Variants in SLC31A1 observed in about 807,000 individuals in gnomAD.
SLC31A1 encodes the protein solute carrier family 31 member 1.
Under a neutral mutation model 17.2 loss-of-function variants are expected in SLC31A1, and 5 were observed. The ratio of observed to expected loss-of-function variants is 0.29; its 90% CI spans 0.15 to 0.61. The LOEUF is 0.61. Among genes scored for constraint, SLC31A1 ranks in the 20% least tolerant of loss-of-function variants. SLC31A1 has a pLI of 0.86. For synonymous variants in SLC31A1, 76 were observed against 78.8 expected (o/e 0.96, Z 0.19); for missense variants, 161 against 241.4 (o/e 0.67, Z 2.21).
chr9:113,235,635 T>TC (rs1399288962), intron 1 of SLC31A1, among the ~76,000 whole-genome samples: 2 of 151,476 alleles, frequency 1.3e-5, no homozygotes, highest in African/African-American at 2.4e-5. Context: ...GGAGAGAAGA[T>TC]CCCCCCGGAG....
intron 2 of SLC31A1, 48 bp downstream of exon 2, chr9:113,256,325 GT>G (rs779378070): frequency 6.2e-7 from 1 of 1,604,938 alleles, no homozygotes; most frequent in Non-Finnish European, 8.5e-7. Context: ...ACCCACTTGG[GT>G]AATAGAAATA....
chr9:113,227,940 G>T (rs1831359911), intron 1 of SLC31A1, among the ~76,000 whole-genome samples: 1 of 152,210 alleles, frequency 6.6e-6, no homozygotes, highest in African/African-American at 2.4e-5. Context: ...GTGTGACTTA[G>T]TTCCTTTCAG....
chr9:113,254,474 A>G (rs1359745499), intron 1 of SLC31A1, among the ~76,000 whole-genome samples: 2 of 152,184 alleles, frequency 1.3e-5, no homozygotes, highest in African/African-American at 4.8e-5. Flanking sequence ...ATGAATACCT[A>G]CTTGGAATTT....
intron 1 of SLC31A1, among the ~76,000 whole-genome samples, chr9:113,254,495 T>A (rs1202535236): frequency 6.6e-6 from 1 of 152,122 alleles, no homozygotes; most frequent in African/African-American, 2.4e-5. Flanking sequence ...TTAAAACCAC[T>A]TTTTCTTCCA....
intron 1 of SLC31A1, among the ~76,000 whole-genome samples, chr9:113,245,785 C>G (rs1421390835): frequency 6.6e-6 from 1 of 151,934 alleles, no homozygotes; most frequent in Non-Finnish European, 1.5e-5. Flanking sequence ...GCACACATCA[C>G]CACACCTGGC....
intron 1 of SLC31A1, among the ~76,000 whole-genome samples, chr9:113,235,153 C>A (rs1010161304): frequency 7.4e-6 from 1 of 134,696 alleles, no homozygotes; most frequent in African/African-American, 2.8e-5. Context: ...AAAAAGACCT[C>A]ACAGAAAAAT....
intron 4 of SLC31A1, among the ~76,000 whole-genome samples, chr9:113,260,053 A>C (rs1278532950): frequency 6.6e-6 from 1 of 152,098 alleles, no homozygotes; most frequent in Non-Finnish European, 1.5e-5. Context: ...GGTTCCTTCT[A>C]CTGGAGGAAC....
rs1256714411 is a variant in SLC31A1 at position 113,264,335 on chromosome 9, A to C, written c.*3862A>C. ...GTCTCAAAAAAAAAAAAAAGATACA[A>C]AGTCTGCATTTGATATAATGCCTTA... is the stretch of plus-strand genomic sequence containing the variant. On this transcript the variant is annotated 3_prime_UTR_variant, in exon 5 of 5. Transcript: ENST00000374212. 3.3e-5 allele frequency: 5 copies of C among 152,608 alleles called. No individual in the cohort carries two copies. The highest frequency in any genetic ancestry group is 1.2e-4 in the African/African-American group (5 of 41,386). The allele number at this position is 152,608 out of a possible 1,614,324, so 9.5% of individuals were successfully genotyped here. A position where few individuals can be genotyped will look rare whatever the true frequency, so the allele number is the denominator to read the frequency against.
intron 1 of SLC31A1, among the ~76,000 whole-genome samples, chr9:113,238,922 C>G (rs1252712896): frequency 6.6e-6 from 1 of 152,194 alleles, no homozygotes; most frequent in Non-Finnish European, 1.5e-5. Flanking sequence ...TGCTGTGTGT[C>G]TCACAGTCTG....
At position 113,263,913 on chromosome 9, in the gene SLC31A1, T is replaced by A. The variant is rs1337540886; in HGVS notation, c.*3440T>A. ...CCCTTTCAGGCTGTGGGTACTGGTCTTGGGTTCTAGTCATAAGGGGTTCCT... is the reference window on the plus strand; with the variant it reads ...CCCTTTCAGGCTGTGGGTACTGGTCATGGGTTCTAGTCATAAGGGGTTCCT... On this transcript the variant is annotated 3_prime_UTR_variant, in exon 5 of 5. Transcript: ENST00000374212. The A allele has an allele frequency of 1.3e-5, 2 of 152,242 alleles. No homozygotes were observed. Among genetic ancestry groups the A allele is most frequent in the Non-Finnish European group, 2.9e-5 (2 of 68,050 alleles). The allele number at this position is 152,242 out of a possible 1,614,324, so 9.4% of individuals were successfully genotyped here.
At chr9:113,230,217 T>A (rs10817464) in intron 1 of SLC31A1, among the ~76,000 whole-genome samples, 6 of 152,188 alleles carry the variant, frequency 3.9e-5, no homozygotes, top group Non-Finnish European at 5.9e-5. Flanking sequence ...CTTTTGGGGA[T>A]TTGTTTGTTT....
Position 113,236,457 on chromosome 9 carries a change from G to A in SLC31A1, c.-36+14779G>A, listed in dbSNP as rs201476159. ...CGGCTCACTGCAAGCTCCACCTCCC[G>A]GGTTCACGCCATTCTCCTGCCTCAA... On this transcript the variant is annotated intron_variant, in intron 1 of 4. Transcript: ENST00000374212. Among the ~76,000 whole-genome samples, 14 of 152,038 alleles carry A rather than the reference G, an allele frequency of 9.2e-5. No individual in the cohort carries two copies. In the East Asian group the frequency reaches 1.7e-3, roughly 19 times the overall value.
Position 113,260,264 on chromosome 9 carries a change from C to T in SLC31A1, c.372-8C>T, listed in dbSNP as rs772144312. 4 of 1,613,554 alleles carry T rather than the reference C, an allele frequency of 2.5e-6. No individual in the cohort carries two copies. The Admixed American group carries it at 6.7e-5, about 27-fold the overall frequency. On this transcript the variant is annotated splice_region_variant and splice_polypyrimidine_tract_variant and intron_variant, in intron 4 of 4. Transcript: ENST00000374212. ...TCCCTGATTGTTGTGTCCCTGTTTA[C>T]TCTCCAGGCAACAGATGCTGAGCTT...
chr9:113,231,069 T>C (rs936701396), intron 1 of SLC31A1, among the ~76,000 whole-genome samples: 2 of 152,066 alleles, frequency 1.3e-5, no homozygotes, highest in African/African-American at 4.8e-5. Context: ...TTTGCTCCCC[T>C]CTCAAGTGCC....
At chr9:113,247,612 T>G (rs906339552) in intron 1 of SLC31A1, among the ~76,000 whole-genome samples, 7 of 152,208 alleles carry the variant, frequency 4.6e-5, no homozygotes, top group African/African-American at 1.7e-4. Flanking sequence ...GTGTCTGTCT[T>G]GCAGGTGATG....
rs1831806153 is a variant in SLC31A1 at position 113,262,618 on chromosome 9, C to G, written c.*2145C>G. 2 of 152,510 alleles carry G rather than the reference C, an allele frequency of 1.3e-5. No individual in the cohort carries two copies. Among genetic ancestry groups the G allele is most frequent in the African/African-American group, 2.4e-5 (1 of 41,428 alleles). The allele number at this position is 152,510 out of a possible 1,614,324, so 9.4% of individuals were successfully genotyped here. On this transcript the variant is annotated 3_prime_UTR_variant, in exon 5 of 5. Coordinates refer to ENST00000374212, the MANE Select transcript of SLC31A1 (RefSeq NM_001859.4). ...CTGGATTGAGGTTAAAATCCAAGAA[C>G]CAACATTTAGAGCTTTGTGCTTTTC...
rs772117339 is a variant in SLC31A1 at position 113,260,437 on chromosome 9, G to A, written c.537G>A (p.Lys179=). The A allele has an allele frequency of 1.9e-6, 3 of 1,613,984 alleles. No homozygotes were observed. In the African/African-American group the frequency reaches 4.0e-5, roughly 22 times the overall value. The change falls in exon 5 of 5, where the codon AAG becomes AAA. Residue 179 remains lysine, a synonymous_variant. Coordinates refer to ENST00000374212, the MANE Select transcript of SLC31A1 (RefSeq NM_001859.4). ...GATACTTCCTCTTCAGCTGGAAGAA[G>A]GCAGTGGTAGTGGATATCACAGAGC... ...GTGYFLFSWK[K]AVVVDITEHC...
At chr9:113,227,072 A>G (rs1831349406) in intron 1 of SLC31A1, among the ~76,000 whole-genome samples, 1 of 151,960 alleles carries the variant, frequency 6.6e-6, no homozygotes, top group Admixed American at 6.6e-5. Context: ...TGGTACCTTC[A>G]TTCGATAGGT....
At chr9:113,241,775 G>A (rs1326658606) in intron 1 of SLC31A1, among the ~76,000 whole-genome samples, 1 of 152,204 alleles carries the variant, frequency 6.6e-6, no homozygotes, top group Non-Finnish European at 1.5e-5. Flanking sequence ...AAGATGAGAA[G>A]GAATTTTAGA....
Sources: allele counts gnomAD v4.1 joint callset (sites outside exome capture counted in the v4.1 genomes callset), GRCh38; gene constraint gnomAD v4.1.1; transcripts MANE v1.5; gene names NCBI Gene and HGNC (gene_info 2026-07-23, HGNC 2026-07-21).